Variants in FNDC7 observed in about 807,000 individuals in gnomAD.
The protein encoded by FNDC7 is fibronectin type III domain containing 7.
In FNDC7, 66 loss-of-function variants were observed where a neutral mutation model predicts 74.2. The ratio of observed to expected loss-of-function variants is 0.89; its 90% CI spans 0.73 to 1.09. FNDC7 has a LOEUF of 1.09. FNDC7 is among the 50% of genes least tolerant of loss of function. The probability of loss-of-function intolerance (pLI) is 0.00; values close to 1 mark genes in which losing one functional copy is unlikely to be tolerated. For missense variants in FNDC7, 829 were observed against 893.4 expected (o/e 0.93, Z 0.92); for synonymous variants, 307 against 330.2 (o/e 0.93, Z 0.76).
chr1:108,733,201 T>C lies in FNDC7; in HGVS notation c.1880-71T>C, dbSNP rs1222651507. 1.9e-6 allele frequency: 3 copies of C among 1,567,832 alleles called. No individual in the cohort carries two copies. In the East Asian group the frequency reaches 6.8e-5, roughly 35 times the overall value. On this transcript the variant is annotated intron_variant, in intron 9 of 12. Coordinates refer to ENST00000370017, the MANE Select transcript of FNDC7 (RefSeq NM_001144937.3). The stretch of plus-strand genomic sequence containing the variant: ...GTTTGCTTATATTTTTTCCCTGCAG[T>C]AATCAAGGCCATTTTTGGATGATGG...
intron 10 of FNDC7, among the ~76,000 whole-genome samples, chr1:108,737,234 G>A (rs953960784): frequency 2.0e-5 from 3 of 152,134 alleles, no homozygotes; most frequent in African/African-American, 7.2e-5. Flanking sequence ...GCCTCCCAAA[G>A]TGCTGGGATT....
Position 108,728,815 on chromosome 1 carries a change from T to C in FNDC7, c.1553T>C (p.Phe518Ser). 6.2e-7 allele frequency: 1 copy of C among 1,614,228 alleles called. No individual in the cohort carries two copies. The highest frequency in any genetic ancestry group is 8.5e-7 in the Non-Finnish European group (1 of 1,180,038). The change falls in exon 8 of 13, where the codon TTC becomes TCC. Residue 518 changes from phenylalanine to serine, a missense_variant. Transcript: ENST00000370017. ...TMRGLPCGSV[F>S]SVTAVAETQA... ...CGGGGCTTGCCCTGTGGCTCAGTGT[T>C]CTCTGTCACTGCTGTGGCCGAAACA...
rs766951290 is a variant in FNDC7 at position 108,727,949 on chromosome 1, C to T, written c.1253C>T (p.Thr418Ile). Reference protein sequence around the residue: ...GYNMVECNDTTPACTLSALEC... With the variant: ...GYNMVECNDTIPACTLSALEC... ...AACATGGTTGAGTGCAATGACACTA[C>T]TCCTGCGTGCACCCTTTCGGCTCTA... Residue 418 changes from threonine (T) to isoleucine (I), a missense_variant, in exon 7 of 13, where the codon ACT (threonine) becomes ATT (isoleucine). Physicochemically the swap from Thr to Ile is moderately conservative, Grantham distance 89. Coordinates refer to ENST00000370017, the MANE Select transcript of FNDC7 (RefSeq NM_001144937.3). 3 of 1,614,082 alleles carry T rather than the reference C, an allele frequency of 1.9e-6. No homozygotes were observed. Among genetic ancestry groups the T allele is most frequent in the African/African-American group, 1.3e-5 (1 of 74,938 alleles).
intron 8 of FNDC7, 58 bp from the exon 9 acceptor site, chr1:108,730,616 C>T: frequency 6.7e-7 from 1 of 1,485,626 alleles, no homozygotes; most frequent in Non-Finnish European, 9.0e-7. Context: ...TATCATTTTT[C>T]ACAAATAATC....
intron 8 of FNDC7, among the ~76,000 whole-genome samples, chr1:108,730,450 C>T (rs1273268845): frequency 6.6e-6 from 1 of 151,550 alleles, no homozygotes; most frequent in African/African-American, 2.4e-5. Flanking sequence ...CTGCAACAGC[C>T]AGTTGGTGCA....
At chr1:108,719,406 G>A (rs1661044987) in intron 4 of FNDC7, among the ~76,000 whole-genome samples, 1 of 152,144 alleles carries the variant, frequency 6.6e-6, no homozygotes, top group South Asian at 2.1e-4. Context: ...ATAAGAATTG[G>A]GCCAAATAGG....
chr1:108,741,903 T>C, intron 12 of FNDC7, 22 bp from the exon 13 acceptor site: 2 of 1,238,702 alleles, frequency 1.6e-6, no homozygotes, highest in Non-Finnish European at 2.3e-6. Flanking sequence ...TTGTTTAAAA[T>C]GTTTTCCCAT....
At chr1:108,715,667 G>GCA (rs1471878706) in intron 2 of FNDC7, among the ~76,000 whole-genome samples, 2 of 111,756 alleles carry the variant, frequency 1.8e-5, no homozygotes, top group Non-Finnish European at 4.1e-5. Context: ...GTGCGTGCGC[G>GCA]CGCGCACACA....
chr1:108,717,107 T>C lies in FNDC7; in HGVS notation c.83-670T>C, dbSNP rs534968167. 4.6e-5 allele frequency among the ~76,000 whole-genome samples: 7 copies of C among 152,302 alleles called. No individual in the cohort carries two copies. The East Asian group carries it at 1.4e-3, about 29-fold the overall frequency. On this transcript the variant is annotated intron_variant, in intron 2 of 12. Transcript: ENST00000370017. The stretch of plus-strand genomic sequence containing the variant: ...CATTCTTATGCTGAGGCAGATATTG[T>C]GATAGAGAAAGGGAGAATAAAGTTT...
chr1:108,730,379 G>T (rs574295964), intron 8 of FNDC7, among the ~76,000 whole-genome samples: 14 of 128,652 alleles, frequency 1.1e-4, no homozygotes, highest in Non-Finnish European at 1.9e-4. Context: ...AAAAAAAAAT[G>T]TTGAAGATGG....
intron 6 of FNDC7, among the ~76,000 whole-genome samples, chr1:108,726,495 G>A (rs1262234781): frequency 6.6e-6 from 1 of 152,052 alleles, no homozygotes; most frequent in African/African-American, 2.4e-5. Flanking sequence ...TAGTTCCTTA[G>A]TATCCTCCAC....
rs767004239 is a variant in FNDC7, at chr1:108,728,083, T to G, written c.1369+18T>G. 2.3e-5 allele frequency: 37 copies of G among 1,606,566 alleles called. No individual in the cohort carries two copies. The East Asian group carries it at 8.3e-4, about 36-fold the overall frequency. On this transcript the variant is annotated intron_variant, in intron 7 of 12. Coordinates refer to ENST00000370017, the MANE Select transcript of FNDC7 (RefSeq NM_001144937.3). Reference sequence around the variant, plus strand: ...AACCACAGGTAAGGCACAGCTATCATTCCACTCACTGGTGTCTGAATGATT... The same window carrying G: ...AACCACAGGTAAGGCACAGCTATCAGTCCACTCACTGGTGTCTGAATGATT...
At chr1:108,728,486 G>C in intron 7 of FNDC7, 146 bp from the exon 8 acceptor site, 2 of 831,896 alleles carry the variant, frequency 2.4e-6, no homozygotes, top group Non-Finnish European at 3.9e-6. Flanking sequence ...AGTTCCCCAC[G>C]CATAGGCACT....
intron 2 of FNDC7, among the ~76,000 whole-genome samples, chr1:108,713,752 G>T (rs1660920183): frequency 6.6e-6 from 1 of 152,172 alleles, no homozygotes; most frequent in Non-Finnish European, 1.5e-5. Context: ...TTCATAAAGT[G>T]TTCTTGCTGA....
rs1661105837 is a variant in FNDC7, at chr1:108,722,240, G to A, written c.599-95G>A. ...ACACTTGTAATTATCCAACTATTGG[G>A]TACCTTATCCTCCAGGCTCTGCAAC... On this transcript the variant is annotated intron_variant, in intron 4 of 12. Transcript: ENST00000370017. 3.2e-6 allele frequency: 4 copies of A among 1,240,892 alleles called. No homozygotes were observed. In the South Asian group the frequency reaches 5.1e-5, roughly 16 times the overall value. The allele number at this position is 1,240,892 out of a possible 1,614,324, so 76.9% of individuals were successfully genotyped here.
chr1:108,726,780 C>G (rs575849136), intron 6 of FNDC7, among the ~76,000 whole-genome samples: 155 of 152,278 alleles, frequency 1.0e-3, no homozygotes, highest in African/African-American at 3.6e-3. Context: ...TAAGAATACT[C>G]AAACATAATT....
At chr1:108,728,131 A>T in intron 7 of FNDC7, 66 bp downstream of exon 7, 1 of 1,557,162 alleles carries the variant, frequency 6.4e-7, no homozygotes, top group Non-Finnish European at 8.8e-7. Flanking sequence ...GAGCCTCAGG[A>T]TGGGCATTCA....
intron 4 of FNDC7, among the ~76,000 whole-genome samples, chr1:108,720,980 C>T (rs747853331): frequency 6.6e-6 from 1 of 152,200 alleles, no homozygotes; most frequent in Non-Finnish European, 1.5e-5. Flanking sequence ...TCCCATGCTT[C>T]CTGTGGGAAA....
chr1:108,741,922 C>A lies in FNDC7; in HGVS notation c.*38-3C>A. ...TTAAAATGTTTTCCCATTTGTCTTG[C>A]AGAGTTGTCTCATTTGTTAGTGATT... On this transcript the variant is annotated splice_polypyrimidine_tract_variant and splice_region_variant and intron_variant, in intron 12 of 12. Coordinates refer to ENST00000370017, the MANE Select transcript of FNDC7 (RefSeq NM_001144937.3). 1 of 1,035,072 alleles carries A rather than the reference C, an allele frequency of 9.7e-7. No homozygotes were observed. The highest frequency in any genetic ancestry group is 1.5e-6 in the Non-Finnish European group (1 of 680,152). The allele number at this position is 1,035,072 out of a possible 1,614,324, so 64.1% of individuals were successfully genotyped here. A position where few individuals can be genotyped will look rare whatever the true frequency, so the allele number is the denominator to read the frequency against.
Sources: allele counts gnomAD v4.1 joint callset (sites outside exome capture counted in the v4.1 genomes callset), GRCh38; gene constraint gnomAD v4.1.1; transcripts MANE v1.5; gene names NCBI Gene and HGNC (gene_info 2026-07-23, HGNC 2026-07-21).